Variants in SLC38A6 observed in about 807,000 individuals in gnomAD.
SLC38A6 encodes the protein solute carrier family 38 member 6, also known as N system amino acid transporter NAT-1.
A neutral mutation model predicts 65.0 loss-of-function variants in SLC38A6; 73 were observed. The ratio of observed to expected loss-of-function variants is 1.12; its 90% CI spans 0.93 to 1.37. The LOEUF (loss-of-function observed/expected upper bound fraction) is 1.37. SLC38A6 is among the 40% of genes most tolerant of loss of function. The probability of loss-of-function intolerance (pLI) is 0.00; values close to 1 mark genes in which losing one functional copy is unlikely to be tolerated. For synonymous variants in SLC38A6, 183 were observed against 178.8 expected (o/e 1.02, Z -0.19); for missense variants, 561 against 531.1 (o/e 1.06, Z -0.55).
intron 15 of SLC38A6, among the ~76,000 whole-genome samples, chr14:61,062,098 C>G (rs775566017): frequency 5.3e-5 from 8 of 152,184 alleles, no homozygotes; most frequent in Admixed American, 3.3e-4. Flanking sequence ...CTCGACCTCC[C>G]AAAGTGCTGG....
chr14:60,994,778 C>T (rs1422044447), intron 3 of SLC38A6, among the ~76,000 whole-genome samples: 3 of 150,114 alleles, frequency 2.0e-5, no homozygotes, highest in Middle Eastern at 3.3e-3. Flanking sequence ...CCGAGGTGGG[C>T]GGATCACCTG....
intron 16 of SLC38A6, among the ~76,000 whole-genome samples, chr14:61,079,543 A>G (rs1267401189): frequency 6.6e-6 from 1 of 152,182 alleles, no homozygotes; most frequent in Admixed American, 6.5e-5. Flanking sequence ...CTCCTCTAGA[A>G]GGACTTACCT....
chr14:61,040,906 G>C (rs1476282438), intron 8 of SLC38A6, among the ~76,000 whole-genome samples: 1 of 152,158 alleles, frequency 6.6e-6, no homozygotes, highest in African/African-American at 2.4e-5. Context: ...CAATCTAGTA[G>C]GGGAGATAAA....
At chr14:61,012,808 G>A (rs965154047) in intron 3 of SLC38A6, among the ~76,000 whole-genome samples, 3 of 152,198 alleles carry the variant, frequency 2.0e-5, no homozygotes, top group Non-Finnish European at 2.9e-5. Flanking sequence ...TTCCAACTAT[G>A]TGGTCAGTTT....
intron 16 of SLC38A6, among the ~76,000 whole-genome samples, chr14:61,082,169 C>T (rs1007273402): frequency 6.6e-6 from 1 of 152,122 alleles, no homozygotes; most frequent in Non-Finnish European, 1.5e-5. Context: ...CCCGCACCAC[C>T]CTCACCTAAA....
downstream of SLC38A6, among the ~76,000 whole-genome samples, chr14:61,057,229 C>T: frequency 5.7e-5 from 2 of 35,170 alleles, no homozygotes; most frequent in Admixed American, 3.4e-4. Context: ...CAGTTTTTGC[C>T]CATTCAGTAT....
chr14:61,049,952 A>C (rs2042406943), intron 12 of SLC38A6, among the ~76,000 whole-genome samples: 1 of 152,198 alleles, frequency 6.6e-6, no homozygotes, highest in Middle Eastern at 3.4e-3. Context: ...ACATTTCCCT[A>C]ACACTTCTCT....
At chr14:61,061,659 A>G (rs958591666) in intron 15 of SLC38A6, among the ~76,000 whole-genome samples, 3 of 152,118 alleles carry the variant, frequency 2.0e-5, no homozygotes. Context: ...AGTTTCTTCT[A>G]TGTCTTTTTG....
chr14:61,080,611 TG>T (rs1384868377), intron 16 of SLC38A6, among the ~76,000 whole-genome samples: 1 of 152,216 alleles, frequency 6.6e-6, no homozygotes, highest in Non-Finnish European at 1.5e-5. Context: ...TTGATTTGCA[TG>T]GGGAGCTTTT....
chr14:61,018,157 A>G (rs1440236590), intron 4 of SLC38A6, among the ~76,000 whole-genome samples: 3 of 152,232 alleles, frequency 2.0e-5, no homozygotes, highest in Admixed American at 6.5e-5. Context: ...TGAAAGAATA[A>G]TCATCAATAA....
At chr14:61,017,464 G>T (rs2040087601) in intron 4 of SLC38A6, among the ~76,000 whole-genome samples, 1 of 152,216 alleles carries the variant, frequency 6.6e-6, no homozygotes, top group African/African-American at 2.4e-5. Flanking sequence ...AAAAGGTTTT[G>T]TTAATCTTCC....
Position 61,041,201 on chromosome 14 carries a change from A to C in SLC38A6, c.625-1946A>C, listed in dbSNP as rs117947910. Among the ~76,000 whole-genome samples, 43 of 152,202 alleles carry C rather than the reference A, an allele frequency of 2.8e-4. 1 individual carries two copies. The highest frequency in any genetic ancestry group is 1.0e-3 in the African/African-American group (43 of 41,534). On this transcript the variant is annotated intron_variant, in intron 8 of 15. Coordinates refer to ENST00000267488, the MANE Select transcript of SLC38A6 (RefSeq NM_153811.3). Reference sequence around the variant, plus strand: ...AACCCCAAGACTTACCTTCTTACCAACCTAAGCAAGGACTTCCTGTTAATC... The same window carrying C: ...AACCCCAAGACTTACCTTCTTACCACCCTAAGCAAGGACTTCCTGTTAATC...
chr14:61,015,306 A>T (rs7159474), intron 3 of SLC38A6, among the ~76,000 whole-genome samples: 9,454 of 152,116 alleles, frequency 0.062, 977 homozygotes, highest in African/African-American at 0.21. Context: ...TAGGAAAGGG[A>T]ATTCCCTGAC....
chr14:61,007,968 A>C (rs1282916499), intron 3 of SLC38A6, among the ~76,000 whole-genome samples: 2 of 152,186 alleles, frequency 1.3e-5, no homozygotes, highest in Non-Finnish European at 1.5e-5. Flanking sequence ...ATTTGAAAAA[A>C]AAGAATGTTG....
Position 61,051,770 on chromosome 14 carries a change from A to G in SLC38A6, c.1051-17A>G. On this transcript the variant is annotated splice_polypyrimidine_tract_variant and intron_variant, in intron 13 of 15. Coordinates refer to ENST00000267488, the MANE Select transcript of SLC38A6 (RefSeq NM_153811.3). ...GACATTTCCTCTTCGCTATATGTTT[A>G]TTTTTCTGTAATACAGGCCAGAAAA... The G allele has an allele frequency of 6.2e-7, 1 of 1,608,976 alleles. No individual in the cohort carries two copies. Among genetic ancestry groups the G allele is most frequent in the Non-Finnish European group, 8.5e-7 (1 of 1,178,942 alleles).
chr14:60,996,399 A>G (rs1256842727), intron 3 of SLC38A6, among the ~76,000 whole-genome samples: 1 of 152,164 alleles, frequency 6.6e-6, no homozygotes, highest in Non-Finnish European at 1.5e-5. Flanking sequence ...AATTAGTTCA[A>G]TTGTTGGGTT....
At position 61,019,597 on chromosome 14, in the gene SLC38A6, G is replaced by A. The variant is rs111531529; in HGVS notation, c.403+17G>A. 6.1e-4 allele frequency: 990 copies of A among 1,611,488 alleles called. 8 individuals are homozygous for A. In the African/African-American group the frequency reaches 0.012, roughly 19 times the overall value. ...ATATTGGAGGTAAGCAATTGCAAGT[G>A]CACTGTTTATACATAAATGTGATGG... On this transcript the variant is annotated intron_variant, in intron 5 of 15. Coordinates refer to ENST00000267488, the MANE Select transcript of SLC38A6 (RefSeq NM_153811.3).
At chr14:61,023,799 C>T (rs900296209) in intron 5 of SLC38A6, among the ~76,000 whole-genome samples, 27 of 151,966 alleles carry the variant, frequency 1.8e-4, no homozygotes, top group Admixed American at 5.9e-4. Flanking sequence ...ATGGATTGCC[C>T]TTGATCAATA....
intron 3 of SLC38A6, among the ~76,000 whole-genome samples, chr14:60,991,944 G>C (rs1264536682): frequency 6.6e-6 from 1 of 152,100 alleles, no homozygotes; most frequent in African/African-American, 2.4e-5. Flanking sequence ...CTTGTTGCCA[G>C]AACTTAATAT....
Sources: allele counts gnomAD v4.1 joint callset (sites outside exome capture counted in the v4.1 genomes callset), GRCh38; gene constraint gnomAD v4.1.1; transcripts MANE v1.5; gene names NCBI Gene and HGNC (gene_info 2026-07-23, HGNC 2026-07-21).